The following DLG2 variants were observed in gnomAD, a reference collection of about 807,000 sequenced individuals.
The protein encoded by DLG2 is disks large homolog 2.
A neutral mutation model predicts 132.5 loss-of-function variants in DLG2; 45 were observed. That is an observed-to-expected ratio of 0.34 (90% CI 0.27 to 0.44). The LOEUF (loss-of-function observed/expected upper bound fraction) is 0.44, where lower values mean the gene tolerates loss of function less well. Among genes scored for constraint, DLG2 ranks in the 20% least tolerant of loss-of-function variants. DLG2 has a pLI of 1.00. For synonymous variants in DLG2, 424 were observed against 419.6 expected (o/e 1.01, Z -0.13); for missense variants, 1,045 against 1,196.9 (o/e 0.87, Z 1.87).
intron 18 of DLG2, among the ~76,000 whole-genome samples, chr11:83,693,482 C>T (rs11605382): frequency 0.27 from 40,291 of 151,918 alleles, 6,525 homozygotes; most frequent in African/African-American, 0.45. Context: ...ACGGCGAAGG[C>T]AGCTCTGTGC....
At position 85,236,269 on chromosome 11, in the gene DLG2, G is replaced by A. The variant is rs188073328; in HGVS notation, c.186+48951C>T. On this transcript the variant is annotated intron_variant, in intron 4 of 27. Transcript: ENST00000376104. ...CAACAGTATTACTAATAGTTTGCCA[G>A]GACTTCTATAACAAAACATCACAGA... 9.1e-4 allele frequency among the ~76,000 whole-genome samples: 139 copies of A among 152,036 alleles called. 1 individual carries two copies. Among genetic ancestry groups the A allele is most frequent in the African/African-American group, 3.3e-3 (135 of 41,514 alleles).
intron 6 of DLG2, among the ~76,000 whole-genome samples, chr11:84,613,691 T>A: frequency 6.6e-6 from 1 of 152,166 alleles, no homozygotes; most frequent in Non-Finnish European, 1.5e-5. Context: ...AAGGATGAGA[T>A]GAGAAGGATA....
Position 84,753,520 on chromosome 11 carries a change from T to G in DLG2, c.358-218789A>C, listed in dbSNP as rs192811708. 6.0e-4 allele frequency among the ~76,000 whole-genome samples: 91 copies of G among 152,300 alleles called. 1 individual carries two copies. Among genetic ancestry groups the G allele is most frequent in the African/African-American group, 2.0e-3 (84 of 41,564 alleles). ...ATAAGCAGTCAAAGATTAATTTATG[T>G]TTTTGGCCTGGGAAGATCCTAAAGC... On this transcript the variant is annotated intron_variant, in intron 6 of 27. Transcript: ENST00000376104.
intron 7 of DLG2, chr11:84,317,213 T>G: frequency 6.5e-7 from 1 of 1,532,608 alleles, no homozygotes; most frequent in Non-Finnish European, 8.8e-7. Flanking sequence ...TCACACCCCT[T>G]TCTTCCAGCC....
intron 11 of DLG2, among the ~76,000 whole-genome samples, chr11:84,023,110 C>T (rs2095441195): frequency 6.6e-6 from 1 of 152,058 alleles, no homozygotes; most frequent in South Asian, 2.1e-4. Flanking sequence ...GGGATAAAAA[C>T]TAGAAGATTC....
intron 7 of DLG2, among the ~76,000 whole-genome samples, chr11:84,520,865 T>G (rs944122740): frequency 6.6e-6 from 1 of 152,178 alleles, no homozygotes; most frequent in African/African-American, 2.4e-5. Flanking sequence ...CATCAGTATA[T>G]AAATGTGGAA....
At chr11:85,361,214 G>A (rs1359703088) in intron 3 of DLG2, among the ~76,000 whole-genome samples, 2 of 152,052 alleles carry the variant, frequency 1.3e-5, no homozygotes, top group African/African-American at 4.8e-5. Context: ...GGAGTGCAGT[G>A]GCACGATCTT....
At chr11:83,753,413 G>GCT (rs1457661427) in intron 18 of DLG2, among the ~76,000 whole-genome samples, 2 of 151,634 alleles carry the variant, frequency 1.3e-5, no homozygotes, top group African/African-American at 4.8e-5. Flanking sequence ...ACACAGCAAG[G>GCT]CTCTCTCTCT....
At position 84,983,172 on chromosome 11, in the gene DLG2, G is replaced by A. The variant is rs563640099; in HGVS notation, c.357+128489C>T. 3.9e-5 allele frequency among the ~76,000 whole-genome samples: 6 copies of A among 152,290 alleles called. No individual in the cohort carries two copies. The East Asian group carries it at 9.7e-4, about 24-fold the overall frequency. ...GCATTGTGAACTTTTGTTCCAAAAT[G>A]ACTGCAGGAATACACTAGGAAAGCC... On this transcript the variant is annotated intron_variant, in intron 6 of 27. Coordinates refer to ENST00000376104, the MANE Select transcript of DLG2 (RefSeq NM_001142699.3).
chr11:85,494,496 T>TA (rs971099765), intron 3 of DLG2, among the ~76,000 whole-genome samples: 6 of 151,886 alleles, frequency 4.0e-5, no homozygotes, highest in South Asian at 2.1e-4. Flanking sequence ...CAAACAAGAT[T>TA]AAAAAAAAGG....
At chr11:85,202,758 C>CAG (rs778158862) in intron 4 of DLG2, among the ~76,000 whole-genome samples, 1 of 151,904 alleles carries the variant, frequency 6.6e-6, no homozygotes, top group Non-Finnish European at 1.5e-5. Flanking sequence ...AGAAACTTTA[C>CAG]AGATACATGG....
chr11:84,440,787 T>C (rs559784820), intron 7 of DLG2, among the ~76,000 whole-genome samples: 1 of 152,318 alleles, frequency 6.6e-6, no homozygotes, highest in Admixed American at 6.5e-5. Context: ...ACACACACAC[T>C]ATGTGAGCCT....
chr11:83,514,496 C>G (rs1365697899), intron 21 of DLG2, among the ~76,000 whole-genome samples: 2 of 152,174 alleles, frequency 1.3e-5, no homozygotes, highest in Non-Finnish European at 2.9e-5. Context: ...TTGACTTCCT[C>G]TTTTCCTAAT....
In DLG2 at chr11:84,693,794, A is replaced by C. The variant is rs139724426; in HGVS notation, c.358-159063T>G. 2.5e-4 allele frequency among the ~76,000 whole-genome samples: 38 copies of C among 151,726 alleles called. No individual in the cohort carries two copies. In the East Asian group the frequency reaches 7.4e-3, roughly 30 times the overall value. On this transcript the variant is annotated intron_variant, in intron 6 of 27. Transcript: ENST00000376104. ...TTTCAATGAGTCACACAGCTTCAGA[A>C]GTCTGCTTTTAATATACAGTCCCTT...
chr11:84,543,667 A>G (rs1463026446), intron 6 of DLG2, among the ~76,000 whole-genome samples: 2 of 152,076 alleles, frequency 1.3e-5, no homozygotes, highest in Non-Finnish European at 2.9e-5. Context: ...CAAAATAATC[A>G]CCCTTTAAAA....
At chr11:84,092,905 G>A (rs777466982) in intron 10 of DLG2, among the ~76,000 whole-genome samples, 10 of 151,744 alleles carry the variant, frequency 6.6e-5, no homozygotes, top group Non-Finnish European at 1.0e-4. Flanking sequence ...GTGTGGTGGC[G>A]GGCACCTGCA....
chr11:84,055,723 C>T (rs2096486790), intron 11 of DLG2, among the ~76,000 whole-genome samples: 1 of 152,022 alleles, frequency 6.6e-6, no homozygotes, highest in African/African-American at 2.4e-5. Flanking sequence ...TCCTTTGACC[C>T]ACTATTTAAT....
intron 15 of DLG2, among the ~76,000 whole-genome samples, chr11:83,879,022 G>T (rs1380302319): frequency 6.6e-6 from 1 of 152,144 alleles, no homozygotes; most frequent in African/African-American, 2.4e-5. Flanking sequence ...CCAAGTAAAA[G>T]ACTCCAAACT....
At chr11:83,460,030 C>G (rs2089590436) in intron 27 of DLG2, 106 bp from the exon 28 acceptor site, 3 of 571,438 alleles carry the variant, frequency 5.2e-6, no homozygotes, top group Non-Finnish European at 9.3e-6. Flanking sequence ...GATGACTCAT[C>G]AGGAAGCTTC....
Sources: gnomAD v4.1 joint callset for allele counts (sites outside exome capture counted in the v4.1 genomes callset) on GRCh38, gnomAD v4.1.1 for gene constraint, MANE v1.5 for transcripts, NCBI Gene and HGNC (gene_info 2026-07-23, HGNC 2026-07-21) for gene names.